The following CCSER1 variants were observed in gnomAD, a reference collection of about 807,000 sequenced individuals.
CCSER1 encodes the protein coiled-coil serine rich protein 1.
A neutral mutation model predicts 82.0 loss-of-function variants in CCSER1; 41 were observed. The ratio of observed to expected loss-of-function variants is 0.50; its 90% CI spans 0.39 to 0.65. CCSER1 has a LOEUF of 0.65. Among genes scored for constraint, CCSER1 ranks in the 30% least tolerant of loss-of-function variants. The probability of loss-of-function intolerance (pLI) is 0.00; values close to 1 mark genes in which losing one functional copy is unlikely to be tolerated. For missense variants in CCSER1, 1,119 were observed against 1,064.2 expected (o/e 1.05, Z -0.72); for synonymous variants, 414 against 383.9 (o/e 1.08, Z -0.92).
chr4:90,815,968 A>C, intron 8 of CCSER1, 123 bp downstream of exon 8: 1 of 558,400 alleles, frequency 1.8e-6, no homozygotes, highest in East Asian at 2.9e-5. Flanking sequence ...GTTCAATCCA[A>C]TGATCAGTTT....
chr4:91,027,198 C>T (rs987070783), intron 9 of CCSER1, among the ~76,000 whole-genome samples: 1 of 151,852 alleles, frequency 6.6e-6, no homozygotes, highest in African/African-American at 2.4e-5. Flanking sequence ...AACTATGTCC[C>T]ATAGAAGATA....
In CCSER1 at chr4:91,529,500, A is replaced by G. The variant is rs560076873; in HGVS notation, c.2218-69072A>G. Among the ~76,000 whole-genome samples, 6 of 152,202 alleles carry G rather than the reference A, an allele frequency of 3.9e-5. No homozygotes were observed. In the South Asian group the frequency reaches 1.0e-3, roughly 26 times the overall value. ...TAAATGATTGATTTATGACTTATCAAATTTTCCTTATACTGTCTTCACCTT... is the reference window on the plus strand; with the variant it reads ...TAAATGATTGATTTATGACTTATCAGATTTTCCTTATACTGTCTTCACCTT... On this transcript the variant is annotated intron_variant, in intron 10 of 10. Coordinates refer to ENST00000509176, the MANE Select transcript of CCSER1 (RefSeq NM_001145065.2).
intron 10 of CCSER1, among the ~76,000 whole-genome samples, chr4:91,371,759 C>T (rs1750064886): frequency 6.6e-6 from 1 of 152,140 alleles, no homozygotes; most frequent in Non-Finnish European, 1.5e-5. Flanking sequence ...AATCAAAATA[C>T]AATCACACAT....
At chr4:90,549,222 C>T (rs1777159738) in intron 5 of CCSER1, among the ~76,000 whole-genome samples, 1 of 152,126 alleles carries the variant, frequency 6.6e-6, no homozygotes, top group African/African-American at 2.4e-5. Context: ...GATGTCTACC[C>T]ATTAATAACC....
At chr4:91,078,668 A>G (rs1418965429) in intron 9 of CCSER1, among the ~76,000 whole-genome samples, 2 of 152,242 alleles carry the variant, frequency 1.3e-5, no homozygotes, top group Non-Finnish European at 1.5e-5. Flanking sequence ...CATCGCAAGA[A>G]GCTAAAAACC....
chr4:90,228,983 A>T (rs1412368970), intron 1 of CCSER1, among the ~76,000 whole-genome samples: 1 of 152,212 alleles, frequency 6.6e-6, no homozygotes, highest in Non-Finnish European at 1.5e-5. Flanking sequence ...TAAAGACGAA[A>T]TCTACGTCTG....
At chr4:91,051,010 T>C (rs1742962897) in intron 9 of CCSER1, among the ~76,000 whole-genome samples, 1 of 152,204 alleles carries the variant, frequency 6.6e-6, no homozygotes, top group Admixed American at 6.5e-5. Flanking sequence ...CTGTGCTTTT[T>C]TGGAATTTCA....
intron 10 of CCSER1, among the ~76,000 whole-genome samples, chr4:91,456,259 G>A (rs2149425262): frequency 6.6e-6 from 1 of 152,004 alleles, no homozygotes; most frequent in East Asian, 2.0e-4. Context: ...CCTTTCATGA[G>A]GTCTCTGCCC....
chr4:91,154,507 G>T (rs1293840770), intron 10 of CCSER1, among the ~76,000 whole-genome samples: 1 of 151,866 alleles, frequency 6.6e-6, no homozygotes, highest in African/African-American at 2.4e-5. Context: ...CCTGCTCCTG[G>T]TCCTTGGGTT....
intron 8 of CCSER1, among the ~76,000 whole-genome samples, chr4:90,843,493 T>C (rs1561233401): frequency 6.6e-6 from 1 of 152,200 alleles, no homozygotes; most frequent in Non-Finnish European, 1.5e-5. Context: ...AGAAAATGAT[T>C]TAAAATTTTT....
chr4:90,464,418 A>G (rs1261612632), intron 4 of CCSER1, among the ~76,000 whole-genome samples: 12 of 152,168 alleles, frequency 7.9e-5, no homozygotes, highest in African/African-American at 2.9e-4. Context: ...TTATCAACTG[A>G]TGGTTGCTGA....
At chr4:91,275,973 C>G (rs922720436) in intron 10 of CCSER1, among the ~76,000 whole-genome samples, 1 of 151,910 alleles carries the variant, frequency 6.6e-6, no homozygotes, top group African/African-American at 2.4e-5. Flanking sequence ...ACTATAAAAA[C>G]ATGGATTTAT....
intron 10 of CCSER1, among the ~76,000 whole-genome samples, chr4:91,146,610 T>G (rs2214386): frequency 0.11 from 16,833 of 151,684 alleles, 1,072 homozygotes; most frequent in East Asian, 0.23. Flanking sequence ...GTTGTTTGTA[T>G]AGGGCTTTTG....
chr4:91,415,038 C>A (rs531109093), intron 10 of CCSER1, among the ~76,000 whole-genome samples: 2 of 152,132 alleles, frequency 1.3e-5, no homozygotes, highest in African/African-American at 4.8e-5. Context: ...GACACAAAAC[C>A]TATAAGGAAG....
At chr4:91,514,001 T>C (rs1037759948) in intron 10 of CCSER1, among the ~76,000 whole-genome samples, 3 of 152,104 alleles carry the variant, frequency 2.0e-5, no homozygotes, top group African/African-American at 7.2e-5. Flanking sequence ...CTGCTGGCTT[T>C]GTGGTTAGTT....
chr4:90,313,725 C>T (rs1735700796), intron 3 of CCSER1, among the ~76,000 whole-genome samples: 1 of 151,902 alleles, frequency 6.6e-6, no homozygotes, highest in Admixed American at 6.6e-5. Context: ...TGAGATGGAC[C>T]CAGGGGTGGG....
rs114054032 is a variant in CCSER1, at chr4:91,134,177, G to C, written c.2217+48183G>C. Reference sequence around the variant, plus strand: ...TCACCCAGAGTTAGGAGGATCCCTTGAGGCCAGGAGTTAGAGACCAGCCTG... The same window carrying C: ...TCACCCAGAGTTAGGAGGATCCCTTCAGGCCAGGAGTTAGAGACCAGCCTG... On this transcript the variant is annotated intron_variant, in intron 10 of 10. Coordinates refer to ENST00000509176, the MANE Select transcript of CCSER1 (RefSeq NM_001145065.2). 5.3e-3 allele frequency among the ~76,000 whole-genome samples: 806 copies of C among 152,232 alleles called. 7 individuals carry two copies. Among genetic ancestry groups the C allele is most frequent in the African/African-American group, 0.018 (762 of 41,540 alleles).
At chr4:91,595,229 G>C (rs912441260) in intron 10 of CCSER1, among the ~76,000 whole-genome samples, 1 of 152,122 alleles carries the variant, frequency 6.6e-6, no homozygotes, top group South Asian at 2.1e-4. Context: ...TCGAGATAGT[G>C]TAATTGCACA....
At chr4:90,787,077 T>G (rs899208672) in intron 7 of CCSER1, among the ~76,000 whole-genome samples, 6 of 152,202 alleles carry the variant, frequency 3.9e-5, no homozygotes, top group Admixed American at 6.5e-5. Context: ...AGAGCTTCCT[T>G]GCCCACCCTG....
Sources: allele counts gnomAD v4.1 joint callset (sites outside exome capture counted in the v4.1 genomes callset), GRCh38; gene constraint gnomAD v4.1.1; transcripts MANE v1.5; gene names NCBI Gene and HGNC (gene_info 2026-07-23, HGNC 2026-07-21).